RFX8: variants seen among roughly 807,000 people sequenced by gnomAD.
RFX8 encodes the protein DNA-binding protein RFX8.
In RFX8, 46 loss-of-function variants were observed where a neutral mutation model predicts 54.6. The observed-to-expected ratio is 0.84, with a 90% CI of 0.67 to 1.08. The LOEUF (loss-of-function observed/expected upper bound fraction) is 1.08. RFX8 is among the 50% of genes least tolerant of loss of function. The probability of loss-of-function intolerance (pLI) is 0.00; values close to 1 mark genes in which losing one functional copy is unlikely to be tolerated. For missense variants in RFX8, 536 were observed against 562.3 expected, an observed-to-expected ratio of 0.95 and a Z score of 0.47; for synonymous variants, 192 against 209.5, an observed-to-expected ratio of 0.92 and a Z score of 0.72.
At position 101,407,623 on chromosome 2, in the gene RFX8, C is replaced by T. The variant is rs369992830; in HGVS notation, c.814-1566G>A. The stretch of plus-strand genomic sequence containing the variant: ...AGGAGAATCGCTTGAACCTGGGAGG[C>T]GGAGGTTGCAGTGAGCTGAGATTGC... On this transcript the variant is annotated intron_variant, in intron 9 of 11. Transcript: ENST00000428343. Among the ~76,000 whole-genome samples the T allele has an allele frequency of 3.9e-5, 6 of 151,988 alleles. No homozygotes were observed. The East Asian group carries it at 5.8e-4, about 15-fold the overall frequency.
intron 2 of RFX8, among the ~76,000 whole-genome samples, chr2:101,431,525 T>G (rs915149134): frequency 6.6e-6 from 1 of 152,192 alleles, no homozygotes; most frequent in Non-Finnish European, 1.5e-5. Flanking sequence ...ATTAAACAAT[T>G]TTGAATGGTG....
In RFX8 at chr2:101,446,740, T is replaced by A. The variant is rs376756193; in HGVS notation, c.72+20037A>T. On this transcript the variant is annotated intron_variant, in intron 2 of 11. Coordinates refer to ENST00000428343, the MANE Select transcript of RFX8 (RefSeq NM_001145664.2). ...AGTGCCGAGTGCCTGCCTAGTTACT[T>A]GTTTTCCTGGAGCATGCAGGGCTCT... Among the ~76,000 whole-genome samples the A allele has an allele frequency of 2.0e-5, 3 of 150,006 alleles. No individual in the cohort carries two copies. In the East Asian group the frequency reaches 6.0e-4, roughly 30 times the overall value.
chr2:101,457,286 T>C (rs1035783022), intron 2 of RFX8, among the ~76,000 whole-genome samples: 1 of 152,232 alleles, frequency 6.6e-6, no homozygotes, highest in African/African-American at 2.4e-5. Context: ...CTAGTTCTTT[T>C]AATTGTGATG....
At position 101,466,796 on chromosome 2, in the gene RFX8, T is replaced by C. The variant is rs764083715; in HGVS notation, c.53A>G (p.Asn18Ser). ...ACTTACCTTCCCAAAGGTGGCCGGGTTGACTTGGTTCTCAGTGTTTTGCCC... is the reference window on the plus strand; with the variant it reads ...ACTTACCTTCCCAAAGGTGGCCGGGCTGACTTGGTTCTCAGTGTTTTGCCC... ...TCGQNTENQV[N>S]PATFGKCEDH... The change falls in exon 2 of 12, where the codon AAC (asparagine) becomes AGC (serine). Residue 18 changes from asparagine (N) to serine (S), a missense_variant. By Grantham distance (46) the Asn-to-Ser change is conservative. Transcript: ENST00000428343. 4.5e-6 allele frequency: 7 copies of C among 1,551,518 alleles called. No homozygotes were observed. Among genetic ancestry groups the C allele is most frequent in the Non-Finnish European group, 4.4e-6 (5 of 1,146,818 alleles).
At chr2:101,444,917 T>C (rs1360455233) in intron 2 of RFX8, among the ~76,000 whole-genome samples, 1 of 152,206 alleles carries the variant, frequency 6.6e-6, no homozygotes, top group Non-Finnish European at 1.5e-5. Context: ...TATCCTTAAT[T>C]AATGGATGAG....
At position 101,452,965 on chromosome 2, in the gene RFX8, C is replaced by T. The variant is rs748435913; in HGVS notation, c.72+13812G>A. ...GCTAAAAATACAAAAATTAGCTGGGCGTGGTAACATGTGCCTGTAGTCCCA... is the reference window on the plus strand; with the variant it reads ...GCTAAAAATACAAAAATTAGCTGGGTGTGGTAACATGTGCCTGTAGTCCCA... On this transcript the variant is annotated intron_variant, in intron 2 of 11. Transcript: ENST00000428343. 1.3e-5 allele frequency among the ~76,000 whole-genome samples: 2 copies of T among 150,274 alleles called. 1 individual carries two copies. Among genetic ancestry groups the T allele is most frequent in the Non-Finnish European group, 3.0e-5 (2 of 67,684 alleles).
intron 4 of RFX8, among the ~76,000 whole-genome samples, chr2:101,420,935 G>A (rs746231943): frequency 2.0e-5 from 3 of 152,116 alleles, no homozygotes; most frequent in African/African-American, 4.8e-5. Context: ...TAACGGTGTC[G>A]GTCACAGGGT....
intron 2 of RFX8, among the ~76,000 whole-genome samples, chr2:101,464,989 G>C (rs1476377273): frequency 6.6e-6 from 1 of 152,192 alleles, no homozygotes; most frequent in Non-Finnish European, 1.5e-5. Flanking sequence ...CCAGCACTCA[G>C]CTCAGCCTTG....
chr2:101,401,354 G>T (rs1468541296), intron 11 of RFX8, among the ~76,000 whole-genome samples: 1 of 152,120 alleles, frequency 6.6e-6, no homozygotes, highest in Non-Finnish European at 1.5e-5. Context: ...TGCAATCGGA[G>T]AACTCGCAAT....
chr2:101,469,036 ATATAT>A (rs1689761234), intron 1 of RFX8, among the ~76,000 whole-genome samples: 1 of 55,066 alleles, frequency 1.8e-5, no homozygotes, highest in Non-Finnish European at 3.7e-5. Context: ...ATATACGTAT[ATATAT>A]GTATATATAT....
At chr2:101,458,832 T>C (rs1689120340) in intron 2 of RFX8, among the ~76,000 whole-genome samples, 1 of 152,242 alleles carries the variant, frequency 6.6e-6, no homozygotes. Context: ...ATTCTCTCCA[T>C]CACTTTCAGG....
At chr2:101,422,806 C>T (rs1686940241) in intron 2 of RFX8, among the ~76,000 whole-genome samples, 1 of 152,220 alleles carries the variant, frequency 6.6e-6, no homozygotes, top group Admixed American at 6.5e-5. Context: ...ATCACAAATA[C>T]ACTTCTACAA....
chr2:101,424,410 A>G (rs1687055126), intron 2 of RFX8, among the ~76,000 whole-genome samples: 1 of 152,196 alleles, frequency 6.6e-6, no homozygotes, highest in African/African-American at 2.4e-5. Flanking sequence ...ATGCTTTTAC[A>G]CTGTTGGTGG....
intron 2 of RFX8, among the ~76,000 whole-genome samples, chr2:101,423,581 T>C (rs144673679): frequency 1.4e-3 from 209 of 152,272 alleles, no homozygotes; most frequent in African/African-American, 5.0e-3. Context: ...CTCTCAAACC[T>C]CATGACCCGC....
At chr2:101,450,998 GC>G (rs1558879990) in intron 2 of RFX8, among the ~76,000 whole-genome samples, 1 of 151,724 alleles carries the variant, frequency 6.6e-6, no homozygotes, top group African/African-American at 2.4e-5. Context: ...CTCAACCACT[GC>G]CCCCCGACCC....
At chr2:101,459,966 C>A (rs1228952957) in intron 2 of RFX8, among the ~76,000 whole-genome samples, 12 of 152,162 alleles carry the variant, frequency 7.9e-5, no homozygotes, top group African/African-American at 2.9e-4. Context: ...CCACCCCCCA[C>A]CTGGCCGCAT....
intron 10 of RFX8, among the ~76,000 whole-genome samples, chr2:101,403,046 G>T (rs1685539305): frequency 6.6e-6 from 1 of 152,176 alleles, no homozygotes; most frequent in African/African-American, 2.4e-5. Context: ...AGGGAACTGG[G>T]TGCTGCTCCC....
At chr2:101,416,169 C>T (rs542656876) in intron 6 of RFX8, among the ~76,000 whole-genome samples, 5 of 146,002 alleles carry the variant, frequency 3.4e-5, no homozygotes, top group African/African-American at 1.0e-4. Flanking sequence ...AGAATGATCA[C>T]TGGGGGTGGA....
intron 7 of RFX8, among the ~76,000 whole-genome samples, chr2:101,413,439 G>A (rs1300430242): frequency 6.6e-6 from 1 of 152,176 alleles, no homozygotes; most frequent in Non-Finnish European, 1.5e-5. Flanking sequence ...GGGAGCGGCT[G>A]CGGGATTCGG....
Sources: gnomAD v4.1 joint callset for allele counts (sites outside exome capture counted in the v4.1 genomes callset) on GRCh38, gnomAD v4.1.1 for gene constraint, MANE v1.5 for transcripts, NCBI Gene and HGNC (gene_info 2026-07-23, HGNC 2026-07-21) for gene names.